The following SIGLECL1 variants were observed in gnomAD, a reference collection of about 807,000 sequenced individuals.
SIGLECL1 encodes the protein SIGLEC family-like protein 1.
Under a neutral mutation model 19.1 loss-of-function variants are expected in SIGLECL1, and 16 were observed. The observed-to-expected ratio is 0.84, with a 90% CI of 0.57 to 1.27. SIGLECL1 has a LOEUF of 1.27. SIGLECL1 is among the 50% of genes most tolerant of loss of function. The pLI is 0.00. For missense variants in SIGLECL1, 210 were observed against 239.4 expected (o/e 0.88, Z 0.81); for synonymous variants, 89 against 90.4 (o/e 0.98, Z 0.09).
intron 3 of SIGLECL1, 25 bp downstream of exon 3, chr19:51,265,674 C>G (rs757146042): frequency 6.2e-7 from 1 of 1,610,896 alleles, no homozygotes; most frequent in East Asian, 2.2e-5. Context: ...GGCTCGGTGA[C>G]TGGGTGAGGA....
chr19:51,255,132 C>T (rs538341492), intron 1 of SIGLECL1, among the ~76,000 whole-genome samples: 5 of 151,980 alleles, frequency 3.3e-5, no homozygotes, highest in South Asian at 4.2e-4. Flanking sequence ...TGGTGGAGCA[C>T]GCCTGTAATC....
At chr19:51,249,093 A>G (rs902641992), upstream of SIGLECL1, among the ~76,000 whole-genome samples, 1 of 152,138 alleles carries the variant, frequency 6.6e-6, no homozygotes, top group African/African-American at 2.4e-5. Context: ...CAAAGGATAT[A>G]AATTATGGGG....
chr19:51,247,318 A>G (rs1354121959), upstream of SIGLECL1, among the ~76,000 whole-genome samples: 3 of 152,228 alleles, frequency 2.0e-5, no homozygotes, highest in African/African-American at 7.2e-5. Context: ...AAATTGAGAA[A>G]CACTGAACTA....
chr19:51,253,164 G>C (rs1338912404), intron 1 of SIGLECL1, among the ~76,000 whole-genome samples: 2 of 152,080 alleles, frequency 1.3e-5, no homozygotes, highest in Non-Finnish European at 2.9e-5. Context: ...AGCTAAGCAG[G>C]GAACCTAATA....
chr19:51,247,632 G>A (rs908783727), upstream of SIGLECL1, among the ~76,000 whole-genome samples: 2 of 152,166 alleles, frequency 1.3e-5, no homozygotes, highest in Non-Finnish European at 2.9e-5. Flanking sequence ...TTAATCAGGC[G>A]GTCTCGAACT....
At position 51,267,292 on chromosome 19, in the gene SIGLECL1, A is replaced by T; in HGVS notation, c.411-81A>T. ...GGTACTGTTGTTGAGGCTCTAAATC[A>T]GAAGTTCTGGTCAAGATAGAGCCCA... On this transcript the variant is annotated intron_variant, in intron 4 of 5. Transcript: ENST00000601727. 7.2e-6 allele frequency: 11 copies of T among 1,526,114 alleles called. No homozygotes were observed. The South Asian group carries it at 1.1e-4, about 15-fold the overall frequency. The allele number at this position is 1,526,114 out of a possible 1,614,324, so 94.5% of individuals were successfully genotyped here. A position where few individuals can be genotyped will look rare whatever the true frequency, so the allele number is the denominator to read the frequency against.
At chr19:51,260,019 T>A (rs1983098350) in intron 1 of SIGLECL1, among the ~76,000 whole-genome samples, 1 of 152,212 alleles carries the variant, frequency 6.6e-6, no homozygotes, top group African/African-American at 2.4e-5. Context: ...CACATTTGGG[T>A]TTTTACCAAT....
Position 51,265,451 on chromosome 19 carries a change from T to G in SIGLECL1, c.106T>G (p.Ser36Ala), listed in dbSNP as rs1262922206. 6.2e-7 allele frequency: 1 copy of G among 1,614,024 alleles called. No individual in the cohort carries two copies. The highest frequency in any genetic ancestry group is 8.5e-7 in the Non-Finnish European group (1 of 1,180,036). Residue 36 changes from serine (S) to alanine (A), a missense_variant, in exon 3 of 6, where the codon TCT (serine) becomes GCT (alanine). Transcript: ENST00000601727. ...TTCCTTCCATGGGATTCCCACACCC[T>G]CTGTGCAGTGGTGGATGGGAGGAGT... ...SCSFHGIPTP[S>A]VQWWMGGVPV...
At chr19:51,255,213 T>A (rs573153758) in intron 1 of SIGLECL1, among the ~76,000 whole-genome samples, 37 of 148,350 alleles carry the variant, frequency 2.5e-4, no homozygotes, top group African/African-American at 7.8e-4. Context: ...TGAGCCAAGA[T>A]CATGCCACTG....
At chr19:51,251,708 C>T (rs1019581198) in intron 1 of SIGLECL1, among the ~76,000 whole-genome samples, 163 bp downstream of exon 1, 3 of 152,142 alleles carry the variant, frequency 2.0e-5, no homozygotes, top group African/African-American at 7.2e-5. Context: ...TAAGTTACAC[C>T]CCTGCAAGGC....
In SIGLECL1 at chr19:51,268,798, C is replaced by G; in HGVS notation, c.*201C>G. 1 of 556,182 alleles carries G rather than the reference C, an allele frequency of 1.8e-6. No individual in the cohort carries two copies. Among genetic ancestry groups the G allele is most frequent in the Non-Finnish European group, 3.2e-6 (1 of 317,164 alleles). 34.5% of individuals were successfully genotyped at this position (556,182 alleles called of 1,614,324 possible). On this transcript the variant is annotated 3_prime_UTR_variant, in exon 6 of 6. Coordinates refer to ENST00000601727, the MANE Select transcript of SIGLECL1 (RefSeq NM_001385465.1). ...CATTGAATAGGTGGTTACTCTTAGA[C>G]CTAGTCTTAGAACCTCTGAAGACAC...
intron 1 of SIGLECL1, among the ~76,000 whole-genome samples, chr19:51,262,968 G>A (rs926935431): frequency 3.3e-5 from 5 of 152,054 alleles, no homozygotes; most frequent in South Asian, 2.1e-4. Flanking sequence ...GCGTGATCAC[G>A]GCTGACTGCA....
At chr19:51,266,567 A>C (rs1428171840) in intron 4 of SIGLECL1, among the ~76,000 whole-genome samples, 1 of 152,054 alleles carries the variant, frequency 6.6e-6, no homozygotes, top group East Asian at 1.9e-4. Context: ...CAGGCATTTC[A>C]GATAAGGGAT....
At chr19:51,257,786 G>C (rs1009871665) in intron 1 of SIGLECL1, 1 of 152,204 alleles carries the variant, frequency 6.6e-6, no homozygotes, top group African/African-American at 2.4e-5. Flanking sequence ...TAGGGGCTTT[G>C]GATCAAATGG....
At chr19:51,246,968 A>G (rs1196560203), upstream of SIGLECL1, among the ~76,000 whole-genome samples, 2 of 152,224 alleles carry the variant, frequency 1.3e-5, no homozygotes, top group African/African-American at 4.8e-5. Flanking sequence ...GTCCAGATGA[A>G]TGCACTCTTA....
chr19:51,265,456 G>A lies in SIGLECL1; in HGVS notation c.111G>A (p.Val37=). The part of the protein sequence containing the change: ...CSFHGIPTPS[V]QWWMGGVPVG... Reference sequence around the variant, plus strand: ...TCCATGGGATTCCCACACCCTCTGTGCAGTGGTGGATGGGAGGAGTCCCCG... The same window carrying A: ...TCCATGGGATTCCCACACCCTCTGTACAGTGGTGGATGGGAGGAGTCCCCG... Residue 37 remains valine (V), a synonymous_variant, in exon 3 of 6, where the codon GTG becomes GTA. Coordinates refer to ENST00000601727, the MANE Select transcript of SIGLECL1 (RefSeq NM_001385465.1). 6.2e-7 allele frequency: 1 copy of A among 1,614,170 alleles called. No individual in the cohort carries two copies. The highest frequency in any genetic ancestry group is 8.5e-7 in the Non-Finnish European group (1 of 1,180,030).
intron 5 of SIGLECL1, 97 bp downstream of exon 5, chr19:51,267,626 C>A: frequency 1.4e-6 from 2 of 1,413,490 alleles, no homozygotes; most frequent in Non-Finnish European, 1.9e-6. Flanking sequence ...TGTTATCATC[C>A]TCAGTCTTGC....
At chr19:51,257,627 T>C (rs190274347) in intron 1 of SIGLECL1, 8 of 152,322 alleles carry the variant, frequency 5.3e-5, no homozygotes, top group Admixed American at 3.9e-4. Flanking sequence ...TCACACCTCA[T>C]AGGGGTGTCT....
At chr19:51,267,350 C>T in intron 4 of SIGLECL1, 23 bp from the exon 5 acceptor site, 1 of 1,604,300 alleles carries the variant, frequency 6.2e-7, no homozygotes, top group Non-Finnish European at 8.5e-7. Context: ...GAGCCAGAAC[C>T]AATCCAAGGC....
Sources: gnomAD v4.1 joint callset for allele counts (sites outside exome capture counted in the v4.1 genomes callset) on GRCh38, gnomAD v4.1.1 for gene constraint, MANE v1.5 for transcripts, NCBI Gene and HGNC (gene_info 2026-07-23, HGNC 2026-07-21) for gene names.